Variants in DIP2C observed in about 807,000 individuals in gnomAD.
DIP2C encodes the protein DIP2 acetate--CoA ligase C (putative).
A neutral mutation model predicts 192.4 loss-of-function variants in DIP2C; 33 were observed. The observed-to-expected ratio is 0.17, with a 90% CI of 0.13 to 0.23. The LOEUF is 0.23. Ranked by LOEUF, DIP2C falls within the 10% of genes least tolerant of loss-of-function variation. DIP2C has a pLI of 1.00. For synonymous variants in DIP2C, 979 were observed against 864.1 expected (o/e 1.13, Z -2.33); for missense variants, 1,537 against 2,110.1 (o/e 0.73, Z 5.32).
intron 26 of DIP2C, among the ~76,000 whole-genome samples, chr10:345,613 A>C (rs1400532883): frequency 1.6e-5 from 2 of 122,566 alleles, no homozygotes; most frequent in South Asian, 2.9e-4. Flanking sequence ...CCCCACACTC[A>C]CCCAACCCAG....
At chr10:277,797 G>A (rs1034410754) in intron 36 of DIP2C, among the ~76,000 whole-genome samples, 1 of 151,998 alleles carries the variant, frequency 6.6e-6, no homozygotes, top group Non-Finnish European at 1.5e-5. Flanking sequence ...CTTCTCTCTC[G>A]GTGGCTTCTG....
At chr10:315,320 ATTC>A (rs1200269467) in intron 31 of DIP2C, among the ~76,000 whole-genome samples, 3 of 152,138 alleles carry the variant, frequency 2.0e-5, no homozygotes, top group Non-Finnish European at 4.4e-5. Flanking sequence ...TCTTTTCAGT[ATTC>A]TTCATTTCTT....
intron 18 of DIP2C, among the ~76,000 whole-genome samples, chr10:367,950 C>CACAAAGGA (rs1960481480): frequency 1.8e-5 from 2 of 110,442 alleles, no homozygotes; most frequent in Admixed American, 8.7e-5. Context: ...CTCTCACTGC[C>CACAAAGGA]GCACAGCCCC....
chr10:504,487 C>G (rs143553333), intron 1 of DIP2C, among the ~76,000 whole-genome samples: 1 of 152,162 alleles, frequency 6.6e-6, no homozygotes, highest in Admixed American at 6.5e-5. Context: ...CACCTTAGGC[C>G]GGGAGAGCGA....
At chr10:560,113 G>A (rs1849123687) in intron 1 of DIP2C, among the ~76,000 whole-genome samples, 1 of 151,982 alleles carries the variant, frequency 6.6e-6, no homozygotes, top group Non-Finnish European at 1.5e-5. Flanking sequence ...GGGAAACCAA[G>A]ACAATCATGA....
rs534110489 is a variant in DIP2C, at chr10:580,457, G to A, written c.86-93927C>T. The stretch of plus-strand genomic sequence containing the variant: ...TATGGCGTTAAATACATGCATGTAT[G>A]TACACATATGCAGTACAGATACATG... On this transcript the variant is annotated intron_variant, in intron 1 of 36. Coordinates refer to ENST00000280886, the MANE Select transcript of DIP2C (RefSeq NM_014974.3). Among the ~76,000 whole-genome samples, 6 of 152,258 alleles carry A rather than the reference G, an allele frequency of 3.9e-5. No individual in the cohort carries two copies. In the East Asian group the frequency reaches 1.2e-3, roughly 29 times the overall value.
rs2132507540 is a variant in DIP2C at position 336,304 on chromosome 10, A to C, written c.3584+4895T>G. ...ATGGTGGTCTCATGAGCCTGTAACG[A>C]AGCTGAAAAATTTCTACTGCCTAGA... On this transcript the variant is annotated intron_variant, in intron 29 of 36. Coordinates refer to ENST00000280886, the MANE Select transcript of DIP2C (RefSeq NM_014974.3). 1.3e-5 allele frequency among the ~76,000 whole-genome samples: 2 copies of C among 150,718 alleles called. 1 individual carries two copies. The highest frequency in any genetic ancestry group is 4.3e-4 in the South Asian group (2 of 4,648).
intron 1 of DIP2C, among the ~76,000 whole-genome samples, chr10:542,208 T>C (rs1255789142): frequency 2.0e-5 from 3 of 152,190 alleles, no homozygotes; most frequent in Non-Finnish European, 2.9e-5. Flanking sequence ...TTCTGCTCCC[T>C]GCCTGCCTCT....
At chr10:462,669 T>A (rs571823452) in intron 3 of DIP2C, among the ~76,000 whole-genome samples, 1 of 152,320 alleles carries the variant, frequency 6.6e-6, no homozygotes, top group African/African-American at 2.4e-5. Context: ...CCCTAACTCA[T>A]TTTATGAGGC....
At chr10:279,668 G>C (rs1564497576) in intron 36 of DIP2C, among the ~76,000 whole-genome samples, 2 of 152,266 alleles carry the variant, frequency 1.3e-5, no homozygotes, top group African/African-American at 4.8e-5. Context: ...GAGGCTGGGA[G>C]AGGGAAGGTG....
At chr10:283,174 C>T (rs1564502109) in intron 35 of DIP2C, 98 bp downstream of exon 35, 1 of 1,487,020 alleles carries the variant, frequency 6.7e-7, no homozygotes, top group Admixed American at 2.2e-5. Context: ...GCCCTCCTGG[C>T]TTTGGCTGCT....
intron 17 of DIP2C, among the ~76,000 whole-genome samples, chr10:381,482 G>T (rs1247636822): frequency 6.6e-6 from 1 of 152,150 alleles, no homozygotes; most frequent in East Asian, 1.9e-4. Context: ...GAAGACCACT[G>T]AAGCCAGCTC....
chr10:485,421 G>A (rs913556094), intron 2 of DIP2C, among the ~76,000 whole-genome samples: 19 of 152,198 alleles, frequency 1.2e-4, no homozygotes, highest in Non-Finnish European at 8.8e-5. Context: ...CCCTTCTCTC[G>A]GGTTCCTCGG....
intron 1 of DIP2C, among the ~76,000 whole-genome samples, chr10:510,051 G>A (rs778747270): frequency 6.6e-6 from 1 of 152,232 alleles, no homozygotes; most frequent in East Asian, 1.9e-4. Flanking sequence ...CAGAAGCCAA[G>A]GTCCCACTTT....
rs1373706312 is a variant in DIP2C, at chr10:689,453, C to G, written c.85+41G>C. On this transcript the variant is annotated intron_variant, in intron 1 of 36. Transcript: ENST00000280886. This position sits in a 1 kb window ranked among gnomAD's most constrained non-coding sequence, Gnocchi z 6.1. Reference sequence around the variant, plus strand: ...CCAGCCCTCCGCGCGCGGCCCTCCCCGGTGACAGCGCGGCCCGGCCCGGGG... The same window carrying G: ...CCAGCCCTCCGCGCGCGGCCCTCCCGGGTGACAGCGCGGCCCGGCCCGGGG... 3 of 1,091,836 alleles carry G rather than the reference C, an allele frequency of 2.7e-6. No homozygotes were observed. The highest frequency in any genetic ancestry group is 1.7e-5 in the African/African-American group (1 of 58,806). The allele number at this position is 1,091,836 out of a possible 1,614,324, so 67.6% of individuals were successfully genotyped here. A position where few individuals can be genotyped will look rare whatever the true frequency, so the allele number is the denominator to read the frequency against.
At chr10:579,372 T>C (rs982107217) in intron 1 of DIP2C, among the ~76,000 whole-genome samples, 8 of 151,720 alleles carry the variant, frequency 5.3e-5, no homozygotes, top group Non-Finnish European at 1.2e-4. Flanking sequence ...TACAAACAAG[T>C]TCACTATGTG....
intron 2 of DIP2C, among the ~76,000 whole-genome samples, chr10:479,525 G>A (rs1843430996): frequency 6.6e-6 from 1 of 151,816 alleles, no homozygotes; most frequent in African/African-American, 2.4e-5. Flanking sequence ...TAGTAGAGAT[G>A]GGGTTTCAAC....
intron 34 of DIP2C, 43 bp downstream of exon 34, chr10:286,230 A>G (rs199870309): frequency 1.6e-4 from 260 of 1,595,464 alleles, no homozygotes; most frequent in Middle Eastern, 1.5e-3. Context: ...CCAAGGATAC[A>G]TAACAGAAAA....
At chr10:503,533 A>G (rs1845395017) in intron 1 of DIP2C, among the ~76,000 whole-genome samples, 1 of 152,234 alleles carries the variant, frequency 6.6e-6, no homozygotes, top group Admixed American at 6.5e-5. Context: ...GCGGAAAACC[A>G]TGGAAGTGTT....
Sources: gnomAD v4.1 joint callset for allele counts (sites outside exome capture counted in the v4.1 genomes callset) on GRCh38, gnomAD v4.1.1 for gene constraint, Gnocchi (gnomAD v3.1) non-coding constraint, MANE v1.5 for transcripts, NCBI Gene and HGNC (gene_info 2026-07-23, HGNC 2026-07-21) for gene names.